BAIAP2: variants seen among roughly 807,000 people sequenced by gnomAD.
BAIAP2 encodes the protein BAR/IMD domain containing adaptor protein 2.
Under a neutral mutation model 63.0 loss-of-function variants are expected in BAIAP2, and 18 were observed. The observed-to-expected ratio is 0.29, with a 90% CI of 0.20 to 0.42. The LOEUF (loss-of-function observed/expected upper bound fraction) is 0.42. Among genes scored for constraint, BAIAP2 ranks in the 10% least tolerant of loss-of-function variants. The pLI is 1.00. For synonymous variants in BAIAP2, 386 were observed against 307.6 expected, an observed-to-expected ratio of 1.25 and a Z score of -2.67; for missense variants, 610 against 734.3, an observed-to-expected ratio of 0.83 and a Z score of 1.96.
intron 1 of BAIAP2, among the ~76,000 whole-genome samples, chr17:81,036,684 G>C (rs1462677044): frequency 6.6e-6 from 1 of 152,246 alleles, no homozygotes; most frequent in East Asian, 1.9e-4. Flanking sequence ...CAGGATTCAG[G>C]GTGACCTGAG....
chr17:81,103,232 G>C (rs1385235071), intron 7 of BAIAP2, among the ~76,000 whole-genome samples: 1 of 152,238 alleles, frequency 6.6e-6, no homozygotes, highest in Non-Finnish European at 1.5e-5. Context: ...AGGCCCTGAT[G>C]GGCCCCGCGG....
chr17:81,112,788 C>T (rs1171356221), intron 13 of BAIAP2, among the ~76,000 whole-genome samples: 1 of 152,210 alleles, frequency 6.6e-6, no homozygotes, highest in Admixed American at 6.5e-5. Context: ...CCGTGGCCCA[C>T]ACCTGTAATC....
chr17:81,067,814 C>T (rs917078279), intron 3 of BAIAP2, among the ~76,000 whole-genome samples: 1 of 152,238 alleles, frequency 6.6e-6, no homozygotes, highest in African/African-American at 2.4e-5. Flanking sequence ...GCTGGTCTCT[C>T]CCCTGAGATG....
At chr17:81,112,046 C>T (rs1005876541) in intron 13 of BAIAP2, among the ~76,000 whole-genome samples, 1 of 152,224 alleles carries the variant, frequency 6.6e-6, no homozygotes, top group Non-Finnish European at 1.5e-5. Context: ...GAAAAATGCT[C>T]CTGAACTTTG....
chr17:81,106,644 G>A, intron 11 of BAIAP2, 101 bp from the exon 12 acceptor site: 2 of 1,405,038 alleles, frequency 1.4e-6, no homozygotes, highest in Non-Finnish European at 2.0e-6. Context: ...CCCGCATGTG[G>A]CGTGGGCTAG....
At chr17:81,078,789 C>T (rs1169944181) in intron 3 of BAIAP2, among the ~76,000 whole-genome samples, 1 of 152,066 alleles carries the variant, frequency 6.6e-6, no homozygotes, top group Non-Finnish European at 1.5e-5. Context: ...CTCTGCTGCT[C>T]CAGGCTGGCA....
intron 10 of BAIAP2, chr17:81,105,612 C>T (rs1346715578): frequency 6.0e-6 from 1 of 165,608 alleles, no homozygotes; most frequent in African/African-American, 2.4e-5. Context: ...GCGGGTGTGT[C>T]TCTTGGCAAG....
chr17:81,085,548 C>T (rs549401312), intron 4 of BAIAP2, 106 bp from the exon 5 acceptor site: 13 of 933,246 alleles, frequency 1.4e-5, no homozygotes, highest in South Asian at 4.0e-5. Flanking sequence ...CCTGCACAGC[C>T]GGGACACCCG....
At chr17:81,085,296 C>T (rs2055377694) in intron 4 of BAIAP2, 2 of 515,058 alleles carry the variant, frequency 3.9e-6, no homozygotes, top group African/African-American at 3.8e-5. Context: ...TGTCTAAAGC[C>T]AGGGGTCTGA....
chr17:81,052,640 C>A (rs370366960), intron 1 of BAIAP2, among the ~76,000 whole-genome samples: 1 of 152,210 alleles, frequency 6.6e-6, no homozygotes, highest in Non-Finnish European at 1.5e-5. Flanking sequence ...AGGCAGGTCC[C>A]GTGGTGGGGA....
intron 3 of BAIAP2, among the ~76,000 whole-genome samples, chr17:81,066,452 G>C (rs2051481821): frequency 6.6e-6 from 1 of 152,222 alleles, no homozygotes; most frequent in Non-Finnish European, 1.5e-5. Flanking sequence ...ACGCCTCGTT[G>C]TCCAGAGTGA....
intron 7 of BAIAP2, among the ~76,000 whole-genome samples, chr17:81,101,605 C>T (rs2058492059): frequency 1.3e-5 from 2 of 151,740 alleles, no homozygotes; most frequent in Non-Finnish European, 2.9e-5. Context: ...TCCCCCCACC[C>T]ACCACACTCT....
chr17:81,108,750 A>T, intron 13 of BAIAP2: 1 of 898,784 alleles, frequency 1.1e-6, no homozygotes, highest in African/African-American at 1.7e-5. Flanking sequence ...CATCCCTGTC[A>T]GGCAAGGTTG....
At chr17:81,099,174 T>TCCCCGTGGACGCTGGTCTTGCTG in intron 6 of BAIAP2, among the ~76,000 whole-genome samples, 1 of 35,794 alleles carries the variant, frequency 2.8e-5, no homozygotes. Flanking sequence ...TGGTCTTGCT[T>TCCCCGTGGACGCTGGTCTTGCTG]TCTGGGCTCC....
In BAIAP2 at chr17:81,057,971, A is replaced by AGTGGGGG; in HGVS notation, c.217+5_217+6insTGGGGGG. 3.0e-6 allele frequency: 2 copies of AGTGGGGG among 664,810 alleles called. No homozygotes were observed. The highest frequency in any genetic ancestry group is 2.2e-5 in the South Asian group (1 of 45,682). 41.2% of individuals were successfully genotyped at this position (664,810 alleles called of 1,614,324 possible). ...AGCCAGGGCTCCAAAGAACTCGGTG[A>AGTGGGGG]GACCCCCCCCCCCCCCCCGCCTGGT... On this transcript the variant is annotated splice_donor_region_variant and intron_variant, in intron 3 of 13. Transcript: ENST00000428708.
chr17:81,070,128 T>C (rs536831900), intron 3 of BAIAP2, among the ~76,000 whole-genome samples: 3 of 152,252 alleles, frequency 2.0e-5, no homozygotes, highest in Admixed American at 6.5e-5. Flanking sequence ...CTGTATACTT[T>C]CTAAACTTTT....
chr17:81,097,316 G>T (rs547878145), intron 6 of BAIAP2, among the ~76,000 whole-genome samples: 2 of 152,328 alleles, frequency 1.3e-5, no homozygotes, highest in East Asian at 3.9e-4. Flanking sequence ...CTCTGGCCTT[G>T]GGGACAGCAT....
chr17:81,100,600 G>A (rs2145819383), intron 7 of BAIAP2, among the ~76,000 whole-genome samples: 1 of 152,252 alleles, frequency 6.6e-6, no homozygotes, highest in East Asian at 1.9e-4. Context: ...AGCCACCCAA[G>A]ACCACTGTGC....
chr17:81,098,107 G>A, intron 6 of BAIAP2: 1 of 1,386,482 alleles, frequency 7.2e-7, no homozygotes, highest in Non-Finnish European at 9.4e-7. Context: ...GCCAGCGGGG[G>A]GTGGGGAGGC....
Sources: allele counts gnomAD v4.1 joint callset (sites outside exome capture counted in the v4.1 genomes callset), GRCh38; gene constraint gnomAD v4.1.1; transcripts MANE v1.5; gene names NCBI Gene and HGNC (gene_info 2026-07-23, HGNC 2026-07-21).